Variants in LRRC4C observed in about 807,000 individuals in gnomAD.
The protein encoded by LRRC4C is leucine rich repeat containing 4C.
A neutral mutation model predicts 33.6 loss-of-function variants in LRRC4C; 5 were observed. The observed-to-expected ratio is 0.15, with a 90% CI of 0.08 to 0.31. LRRC4C has a LOEUF of 0.31. Ranked by LOEUF, LRRC4C falls within the 10% of genes least tolerant of loss-of-function variation. The pLI, the probability that LRRC4C is intolerant of heterozygous loss-of-function variation, is 1.00. For synonymous variants in LRRC4C, 329 were observed against 302.0 expected (o/e 1.09, Z -0.93); for missense variants, 560 against 796.7 (o/e 0.70, Z 3.58).
intron 3 of LRRC4C, among the ~76,000 whole-genome samples, chr11:40,437,402 T>C (rs1951186830): frequency 6.6e-6 from 1 of 152,040 alleles, no homozygotes; most frequent in Non-Finnish European, 1.5e-5. Flanking sequence ...TTTTTCTTTT[T>C]TTTTTTTTGG....
chr11:40,990,231 T>TGATATATATATA (rs1555030574), intron 1 of LRRC4C, among the ~76,000 whole-genome samples: 3 of 78,224 alleles, frequency 3.8e-5, no homozygotes, highest in African/African-American at 1.3e-4. Flanking sequence ...ATGTCAAGTT[T>TGATATATATATA]TATATATATA....
chr11:40,493,057 G>A (rs1003840882), intron 3 of LRRC4C, among the ~76,000 whole-genome samples: 1 of 151,058 alleles, frequency 6.6e-6, no homozygotes, highest in African/African-American at 2.4e-5. Context: ...TAACTATATG[G>A]TTACCATATT....
chr11:40,229,124 T>C (rs942733402), intron 5 of LRRC4C, among the ~76,000 whole-genome samples: 2 of 152,204 alleles, frequency 1.3e-5, no homozygotes, highest in Non-Finnish European at 2.9e-5. Flanking sequence ...TTTAATCTTC[T>C]CTTTTTTCTA....
intron 2 of LRRC4C, among the ~76,000 whole-genome samples, chr11:40,742,679 A>G (rs1948216211): frequency 6.6e-6 from 1 of 151,890 alleles, no homozygotes; most frequent in South Asian, 2.1e-4. Flanking sequence ...TTGTTTATCT[A>G]TTCATTTCAT....
chr11:41,010,326 T>C (rs1855081085), intron 1 of LRRC4C, among the ~76,000 whole-genome samples: 1 of 152,194 alleles, frequency 6.6e-6, no homozygotes, highest in Admixed American at 6.5e-5. Context: ...ACTTTGTTTT[T>C]TAAATTAAAT....
chr11:40,629,518 A>AT (rs1163715658), intron 3 of LRRC4C, among the ~76,000 whole-genome samples: 1 of 152,210 alleles, frequency 6.6e-6, no homozygotes, highest in African/African-American at 2.4e-5. Flanking sequence ...AATTTCATGA[A>AT]TAAACAGAAT....
intron 1 of LRRC4C, among the ~76,000 whole-genome samples, chr11:41,235,786 T>C (rs80200734): frequency 0.011 from 1,720 of 152,252 alleles, 36 homozygotes; most frequent in African/African-American, 0.04. Flanking sequence ...ATGGGATTTA[T>C]ATGTATACAT....
At chr11:41,071,579 A>C (rs1228483429) in intron 1 of LRRC4C, among the ~76,000 whole-genome samples, 1 of 152,186 alleles carries the variant, frequency 6.6e-6, no homozygotes, top group Non-Finnish European at 1.5e-5. Flanking sequence ...TACTGCTCAG[A>C]AAAAATGATT....
intron 2 of LRRC4C, among the ~76,000 whole-genome samples, chr11:40,889,454 C>T (rs1395904709): frequency 6.6e-6 from 1 of 151,924 alleles, no homozygotes; most frequent in Admixed American, 6.6e-5. Context: ...TTTCTTTTCT[C>T]ATGTATATTT....
chr11:40,752,111 T>G (rs980046906), intron 2 of LRRC4C, among the ~76,000 whole-genome samples: 1 of 152,104 alleles, frequency 6.6e-6, no homozygotes. Flanking sequence ...CAAGATTGTT[T>G]GAGAAGACTT....
At chr11:41,178,415 G>A (rs1225652238) in intron 1 of LRRC4C, among the ~76,000 whole-genome samples, 1 of 152,132 alleles carries the variant, frequency 6.6e-6, no homozygotes, top group South Asian at 2.1e-4. Context: ...GCGTGATCAT[G>A]TAATCATAGC....
chr11:40,462,962 T>C (rs190656747), intron 3 of LRRC4C, among the ~76,000 whole-genome samples: 1 of 141,344 alleles, frequency 7.1e-6, no homozygotes, highest in East Asian at 2.3e-4. Context: ...TCTCACATCA[T>C]ACTTATCCCA....
chr11:40,175,266 T>A (rs1860379651), intron 5 of LRRC4C, among the ~76,000 whole-genome samples: 1 of 152,256 alleles, frequency 6.6e-6, no homozygotes, highest in South Asian at 2.1e-4. Flanking sequence ...CACAAAGTTG[T>A]ATAGATAACC....
intron 3 of LRRC4C, among the ~76,000 whole-genome samples, chr11:40,625,235 C>T (rs1962814479): frequency 6.6e-6 from 1 of 152,136 alleles, no homozygotes; most frequent in Non-Finnish European, 1.5e-5. Context: ...ATTAAAGTAA[C>T]TATTGTGAAA....
intron 3 of LRRC4C, among the ~76,000 whole-genome samples, chr11:40,448,974 T>C (rs1388754426): frequency 6.6e-6 from 1 of 152,236 alleles, no homozygotes; most frequent in Non-Finnish European, 1.5e-5. Context: ...CATTGTGGTT[T>C]TGATTTGCAT....
At chr11:41,140,700 G>A (rs538419855) in intron 1 of LRRC4C, among the ~76,000 whole-genome samples, 1 of 152,278 alleles carries the variant, frequency 6.6e-6, no homozygotes, top group East Asian at 1.9e-4. Context: ...TAAAAGAAAA[G>A]CTCCTTTCTG....
chr11:40,733,155 A>C (rs978520263), intron 2 of LRRC4C, among the ~76,000 whole-genome samples: 11 of 130,408 alleles, frequency 8.4e-5, no homozygotes, highest in Admixed American at 2.9e-4. Context: ...GGCTCACTGC[A>C]AGCTCCGCCT....
At chr11:40,788,645 ATTTTC>A (rs1348066859) in intron 2 of LRRC4C, among the ~76,000 whole-genome samples, 4 of 152,046 alleles carry the variant, frequency 2.6e-5, no homozygotes, top group Non-Finnish European at 4.4e-5. Flanking sequence ...AGTCCATTGC[ATTTTC>A]TTTCAGTGGT....
chr11:41,148,956 G>A (rs1351341572), intron 1 of LRRC4C, among the ~76,000 whole-genome samples: 8 of 152,140 alleles, frequency 5.3e-5, no homozygotes, highest in Non-Finnish European at 1.2e-4. Context: ...TGGCATGGCT[G>A]GCCCAGGTCC....
Sources: gnomAD v4.1 joint callset for allele counts (sites outside exome capture counted in the v4.1 genomes callset) on GRCh38, gnomAD v4.1.1 for gene constraint, MANE v1.5 for transcripts, NCBI Gene and HGNC (gene_info 2026-07-23, HGNC 2026-07-21) for gene names.